The following SLC44A2 variants were observed in gnomAD, a reference collection of about 807,000 sequenced individuals.
SLC44A2 encodes solute carrier family 44 member 2 (CTL2 blood group), also known as choline transporter-like protein 2.
A neutral mutation model predicts 90.8 loss-of-function variants in SLC44A2; 57 were observed. The observed-to-expected ratio is 0.63, with a 90% CI of 0.51 to 0.78. SLC44A2 has a LOEUF of 0.78. Ranked by LOEUF, SLC44A2 falls within the 30% of genes least tolerant of loss-of-function variation. SLC44A2 has a pLI of 0.00. For synonymous variants in SLC44A2, 355 were observed against 360.7 expected (o/e 0.98, Z 0.18); for missense variants, 794 against 919.7 (o/e 0.86, Z 1.77).
At chr19:10,625,800 C>A in intron 1 of SLC44A2, 130 bp downstream of exon 1, 1 of 806,486 alleles carries the variant, frequency 1.2e-6, no homozygotes, top group Non-Finnish European at 1.7e-6. Flanking sequence ...CCTGGAGCCT[C>A]CCCACCATCA....
chr19:10,638,189 A>G, intron 19 of SLC44A2, 38 bp from the exon 20 acceptor site: 1 of 1,613,466 alleles, frequency 6.2e-7, no homozygotes, highest in Non-Finnish European at 8.5e-7. Flanking sequence ...TCCTATATCC[A>G]GAACCCTTCG....
At chr19:10,603,497 C>T (rs973217251) in intron 1 of SLC44A2, among the ~76,000 whole-genome samples, 1 of 152,184 alleles carries the variant, frequency 6.6e-6, no homozygotes, top group Non-Finnish European at 1.5e-5. Context: ...GGGAGGGGGC[C>T]GGAAACGGCT....
At chr19:10,631,602 G>A (rs781233716) in intron 7 of SLC44A2, 24 bp from the exon 8 acceptor site, 4 of 1,613,834 alleles carry the variant, frequency 2.5e-6, no homozygotes, top group Non-Finnish European at 3.4e-6. Flanking sequence ...CAGCCTGACT[G>A]GTGCCATCCT....
At chr19:10,622,191 G>A (rs1480649394), upstream of SLC44A2, among the ~76,000 whole-genome samples, 1 of 152,170 alleles carries the variant, frequency 6.6e-6, no homozygotes, top group Admixed American at 6.6e-5. Flanking sequence ...GCTGAGCGTG[G>A]GACGTACCCA....
At position 10,636,580 on chromosome 19, in the gene SLC44A2, G is replaced by A. The variant is rs370958936; in HGVS notation, c.1491G>A (p.Ala497=). 20 of 1,603,784 alleles carry A rather than the reference G, an allele frequency of 1.2e-5. No individual in the cohort carries two copies. Among genetic ancestry groups the A allele is most frequent in the African/African-American group, 4.0e-5 (3 of 74,812 alleles). Reference sequence around the variant, plus strand: ...CGCTCTTCTCTGCCTTTGGCCGGGCGCTCAGGTGGGCTGGCGTTGCAGGCA... The same window carrying A: ...CGCTCTTCTCTGCCTTTGGCCGGGCACTCAGGTGGGCTGGCGTTGCAGGCA... ...AFPLFSAFGR[A]LRYHTGSLAF... is the part of the protein sequence containing the mutation. The change falls in exon 15 of 22, where the codon GCG becomes GCA. Residue 497 remains alanine, a synonymous_variant. Coordinates refer to ENST00000335757, the MANE Select transcript of SLC44A2 (RefSeq NM_020428.4).
intron 1 of SLC44A2, among the ~76,000 whole-genome samples, chr19:10,614,002 G>T (rs2066835564): frequency 6.6e-6 from 1 of 151,990 alleles, no homozygotes; most frequent in Non-Finnish European, 1.5e-5. Context: ...TTTTGCTCTT[G>T]TTGCCCAGGC....
intron 1 of SLC44A2, among the ~76,000 whole-genome samples, chr19:10,611,746 T>C (rs1490845241): frequency 6.6e-6 from 1 of 151,622 alleles, no homozygotes; most frequent in East Asian, 1.9e-4. Context: ...TGCTTGAGCC[T>C]AGGAGGCAGA....
At chr19:10,636,846 G>A (rs1328030277) in intron 16 of SLC44A2, 90 bp downstream of exon 16, 4 of 1,346,020 alleles carry the variant, frequency 3.0e-6, no homozygotes, top group East Asian at 5.0e-5. Flanking sequence ...AGGTGGGCGG[G>A]GCCAAGATAA....
chr19:10,628,087 T>G (rs562223472), intron 4 of SLC44A2, 83 bp downstream of exon 4: 4 of 1,287,254 alleles, frequency 3.1e-6, no homozygotes, highest in Non-Finnish European at 4.4e-6. Context: ...CTAAGTCCAG[T>G]TAACAAGTGC....
At chr19:10,616,392 AG>A (rs1300103912) in intron 1 of SLC44A2, among the ~76,000 whole-genome samples, 1 of 151,862 alleles carries the variant, frequency 6.6e-6, no homozygotes, top group Non-Finnish European at 1.5e-5. Context: ...CACCACGCCC[AG>A]TTAATTTTTG....
chr19:10,635,086 G>A lies in SLC44A2; in HGVS notation c.1055+13G>A. ...AAGAAGCCAGCAGGTGGGGGGCCAG[G>A]GTGCCAGGGGCCAGGATGGAGCTGT... On this transcript the variant is annotated intron_variant, in intron 12 of 21. Transcript: ENST00000335757. 2.5e-6 allele frequency: 4 copies of A among 1,613,886 alleles called. No homozygotes were observed. The highest frequency in any genetic ancestry group is 3.4e-6 in the Non-Finnish European group (4 of 1,179,858).
intron 1 of SLC44A2, among the ~76,000 whole-genome samples, chr19:10,611,621 C>T (rs1292716623): frequency 2.0e-5 from 3 of 151,960 alleles, no homozygotes; most frequent in Admixed American, 1.3e-4. Flanking sequence ...GAGTTTGAGA[C>T]TAGCCTGGGC....
At chr19:10,612,283 G>A (rs1279167743) in intron 1 of SLC44A2, among the ~76,000 whole-genome samples, 1 of 151,980 alleles carries the variant, frequency 6.6e-6, no homozygotes, top group Non-Finnish European at 1.5e-5. Context: ...GAGGCGGGAG[G>A]ATCACTTGAG....
intron 1 of SLC44A2, among the ~76,000 whole-genome samples, chr19:10,609,998 G>C (rs1918236756): frequency 6.6e-6 from 1 of 151,772 alleles, no homozygotes; most frequent in Non-Finnish European, 1.5e-5. Flanking sequence ...TAGAGACAGG[G>C]TTTCACTATG....
intron 1 of SLC44A2, among the ~76,000 whole-genome samples, chr19:10,611,214 G>A (rs1918295555): frequency 6.6e-6 from 1 of 151,872 alleles, no homozygotes; most frequent in African/African-American, 2.4e-5. Flanking sequence ...CACTTTGTGA[G>A]GCCCAGGCGG....
chr19:10,637,611 C>T (rs1390203420), intron 16 of SLC44A2, 33 bp from the exon 17 acceptor site: 1 of 1,595,538 alleles, frequency 6.3e-7, no homozygotes, highest in Non-Finnish European at 8.6e-7. Context: ...GCTGGTGTCC[C>T]CTCACTTCCA....
At chr19:10,631,991 C>A (rs1328203219) in intron 9 of SLC44A2, 40 bp downstream of exon 9, 1 of 1,613,296 alleles carries the variant, frequency 6.2e-7, no homozygotes, top group East Asian at 2.2e-5. Context: ...TGGCTGCCCC[C>A]TCTAAGCCTG....
chr19:10,641,365 G>C, intron 20 of SLC44A2: 1 of 440,698 alleles, frequency 2.3e-6, no homozygotes, highest in Non-Finnish European at 4.5e-6. Flanking sequence ...CTGCACTCTA[G>C]CCTGAGCAAC....
intron 1 of SLC44A2, among the ~76,000 whole-genome samples, chr19:10,613,805 G>T (rs2066833133): frequency 6.6e-6 from 1 of 152,068 alleles, no homozygotes. Context: ...CAAGGAATGT[G>T]GGCGGCCTCT....
Sources: allele counts gnomAD v4.1 joint callset (sites outside exome capture counted in the v4.1 genomes callset), GRCh38; gene constraint gnomAD v4.1.1; transcripts MANE v1.5; gene names NCBI Gene and HGNC (gene_info 2026-07-23, HGNC 2026-07-21).